Variants in SNTG1 observed in about 807,000 individuals in gnomAD.
SNTG1 encodes syntrophin gamma 1, also known as gamma-1-syntrophin.
Under a neutral mutation model 74.7 loss-of-function variants are expected in SNTG1, and 39 were observed. The observed-to-expected ratio is 0.52, with a 90% CI of 0.40 to 0.68. The LOEUF (loss-of-function observed/expected upper bound fraction) is 0.68. SNTG1 is among the 30% of genes least tolerant of loss of function. The pLI, the probability that SNTG1 is intolerant of heterozygous loss-of-function variation, is 0.00. For missense variants in SNTG1, 685 were observed against 609.5 expected, an observed-to-expected ratio of 1.12 and a Z score of -1.30; for synonymous variants, 254 against 217.1, an observed-to-expected ratio of 1.17 and a Z score of -1.49.
At chr8:50,036,415 G>A (rs1366688003) in intron 1 of SNTG1, among the ~76,000 whole-genome samples, 4 of 152,120 alleles carry the variant, frequency 2.6e-5, no homozygotes, top group Non-Finnish European at 5.9e-5. Flanking sequence ...CTCAGTTCCT[G>A]CTTGGTTATT....
At chr8:50,786,678 G>A (rs553865794) in intron 18 of SNTG1, among the ~76,000 whole-genome samples, 1 of 151,878 alleles carries the variant, frequency 6.6e-6, no homozygotes, top group African/African-American at 2.4e-5. Context: ...TGAGAGTCTA[G>A]AAATGAACCT....
intron 2 of SNTG1, among the ~76,000 whole-genome samples, chr8:50,173,495 A>C (rs1480761650): frequency 6.6e-6 from 1 of 152,214 alleles, no homozygotes; most frequent in Non-Finnish European, 1.5e-5. Flanking sequence ...ATATTTATGT[A>C]CTCAATTATA....
intron 1 of SNTG1, among the ~76,000 whole-genome samples, chr8:50,057,105 T>C (rs1820089792): frequency 6.6e-6 from 1 of 152,170 alleles, no homozygotes; most frequent in South Asian, 2.1e-4. Flanking sequence ...ATTGTTATAG[T>C]TACTAAGAAA....
At chr8:50,225,675 T>C (rs1374395847) in intron 2 of SNTG1, among the ~76,000 whole-genome samples, 1 of 152,204 alleles carries the variant, frequency 6.6e-6, no homozygotes, top group Non-Finnish European at 1.5e-5. Context: ...CCAACGCCAT[T>C]AATATTTCTT....
intron 2 of SNTG1, among the ~76,000 whole-genome samples, chr8:50,235,368 C>T (rs1252568523): frequency 1.3e-5 from 2 of 152,146 alleles, no homozygotes; most frequent in Admixed American, 6.5e-5. Context: ...AGCAAGATTT[C>T]ACTCTTGTGG....
At chr8:50,172,400 C>T (rs367735658) in intron 1 of SNTG1, among the ~76,000 whole-genome samples, 161 bp from the exon 2 acceptor site, 3 of 152,068 alleles carry the variant, frequency 2.0e-5, no homozygotes, top group South Asian at 2.1e-4. Context: ...TGAGCTATTC[C>T]TAGAAATTGA....
At chr8:50,300,898 T>C (rs2089616175) in intron 2 of SNTG1, among the ~76,000 whole-genome samples, 1 of 152,208 alleles carries the variant, frequency 6.6e-6, no homozygotes, top group African/African-American at 2.4e-5. Flanking sequence ...ATCCTTCTGC[T>C]GCCTTCTGAC....
intron 18 of SNTG1, among the ~76,000 whole-genome samples, chr8:50,768,626 A>AAATTTGGTAT (rs1563821428): frequency 2.6e-5 from 4 of 151,852 alleles, no homozygotes; most frequent in Non-Finnish European, 5.9e-5. Flanking sequence ...ACAATTTGTG[A>AAATTTGGTAT]CTCTATCTGG....
intron 2 of SNTG1, among the ~76,000 whole-genome samples, chr8:50,202,586 C>T (rs2084029774): frequency 6.6e-6 from 1 of 151,986 alleles, no homozygotes; most frequent in African/African-American, 2.4e-5. Flanking sequence ...GTTTTTTTAT[C>T]CATTTGCTTA....
intron 1 of SNTG1, among the ~76,000 whole-genome samples, chr8:50,171,273 T>C (rs1048452799): frequency 1.1e-4 from 17 of 152,156 alleles, no homozygotes; most frequent in Non-Finnish European, 2.1e-4. Context: ...TTAAGTATTA[T>C]TAACTCACAC....
intron 2 of SNTG1, among the ~76,000 whole-genome samples, chr8:50,332,243 C>G (rs2090993292): frequency 6.6e-6 from 1 of 152,132 alleles, no homozygotes; most frequent in South Asian, 2.1e-4. Flanking sequence ...TATTCCTATT[C>G]TTTTCCCCAA....
chr8:50,035,188 G>A (rs1338281499), intron 1 of SNTG1, among the ~76,000 whole-genome samples: 2 of 152,162 alleles, frequency 1.3e-5, no homozygotes, highest in Non-Finnish European at 2.9e-5. Flanking sequence ...AGGAGGCTGA[G>A]CTTTTTGCAG....
chr8:50,134,756 T>C (rs1207602210), intron 1 of SNTG1, among the ~76,000 whole-genome samples: 1 of 152,042 alleles, frequency 6.6e-6, no homozygotes, highest in Non-Finnish European at 1.5e-5. Context: ...CATACTTGAA[T>C]CACTCATGGA....
chr8:50,656,997 C>T lies in SNTG1; in HGVS notation c.938C>T (p.Ser313Leu), dbSNP rs759457221. 1 of 1,569,982 alleles carries T rather than the reference C, an allele frequency of 6.4e-7. No individual in the cohort carries two copies. Among genetic ancestry groups the T allele is most frequent in the South Asian group, 1.2e-5 (1 of 82,828 alleles). Residue 313 changes from serine to leucine, a missense_variant, in exon 14 of 19, where the codon TCA becomes TTA. Coordinates refer to ENST00000642720, the MANE Select transcript of SNTG1 (RefSeq NM_018967.5). ...CCGACCTTCCTGGCCCTGAGGGGCT[C>T]ATGTCTCTACAAGTTTCTGGCACCT... is the stretch of plus-strand genomic sequence containing the variant. ...YSPTFLALRG[S>L]CLYKFLAPPV...
chr8:50,159,450 C>T (rs1193671688), intron 1 of SNTG1, among the ~76,000 whole-genome samples: 1 of 152,144 alleles, frequency 6.6e-6, no homozygotes, highest in Non-Finnish European at 1.5e-5. Flanking sequence ...CATCATCCAT[C>T]TGGTTTTAAA....
intron 4 of SNTG1, among the ~76,000 whole-genome samples, chr8:50,419,315 G>T (rs1396061998): frequency 6.6e-6 from 1 of 152,110 alleles, no homozygotes; most frequent in Non-Finnish European, 1.5e-5. Flanking sequence ...CAATGGCAAT[G>T]GCCAAGTGGA....
intron 1 of SNTG1, among the ~76,000 whole-genome samples, chr8:50,102,176 C>T (rs1474314613): frequency 6.8e-6 from 1 of 147,028 alleles, no homozygotes; most frequent in Non-Finnish European, 1.5e-5. Flanking sequence ...GTCCCACCAA[C>T]AGTGTAAAAG....
At chr8:50,271,572 AC>A (rs2087782520) in intron 2 of SNTG1, among the ~76,000 whole-genome samples, 1 of 152,194 alleles carries the variant, frequency 6.6e-6, no homozygotes, top group Non-Finnish European at 1.5e-5. Context: ...ATTTCTTATA[AC>A]TATTGGCTTT....
intron 13 of SNTG1, among the ~76,000 whole-genome samples, chr8:50,652,707 G>A (rs2095155251): frequency 6.6e-6 from 1 of 152,086 alleles, no homozygotes; most frequent in Non-Finnish European, 1.5e-5. Flanking sequence ...TGAGGCAGGA[G>A]AATCACTTGA....
Sources: allele counts gnomAD v4.1 joint callset (sites outside exome capture counted in the v4.1 genomes callset), GRCh38; gene constraint gnomAD v4.1.1; transcripts MANE v1.5; gene names NCBI Gene and HGNC (gene_info 2026-07-23, HGNC 2026-07-21).